Variants in GPR158 observed in about 807,000 individuals in gnomAD.
GPR158 encodes metabotropic glycine receptor.
Under a neutral mutation model 78.2 loss-of-function variants are expected in GPR158, and 30 were observed. The observed-to-expected ratio is 0.38, with a 90% CI of 0.29 to 0.52. GPR158 has a LOEUF of 0.52. Among genes scored for constraint, GPR158 ranks in the 20% least tolerant of loss-of-function variants. The pLI is 0.83. For synonymous variants in GPR158, 581 were observed against 591.1 expected (o/e 0.98, Z 0.25); for missense variants, 1,463 against 1,523.5 (o/e 0.96, Z 0.66).
chr10:25,564,567 G>GTCTT (rs1437522465), intron 6 of GPR158, among the ~76,000 whole-genome samples: 3 of 152,142 alleles, frequency 2.0e-5, no homozygotes, highest in Non-Finnish European at 4.4e-5. Flanking sequence ...CTTTGAGTCA[G>GTCTT]TCTTTCAGGG....
intron 1 of GPR158, among the ~76,000 whole-genome samples, chr10:25,187,868 G>T (rs569703906): frequency 3.3e-5 from 5 of 152,278 alleles, no homozygotes; most frequent in Non-Finnish European, 5.9e-5. Context: ...TGACATGATT[G>T]TATATCCAGA....
intron 6 of GPR158, among the ~76,000 whole-genome samples, chr10:25,563,344 C>T (rs1390641074): frequency 6.6e-6 from 1 of 151,350 alleles, no homozygotes; most frequent in African/African-American, 2.4e-5. Flanking sequence ...TTCATTAGAT[C>T]TACGGTAACT....
At chr10:25,524,569 G>A (rs1187562847) in intron 5 of GPR158, among the ~76,000 whole-genome samples, 1 of 152,148 alleles carries the variant, frequency 6.6e-6, no homozygotes, top group Non-Finnish European at 1.5e-5. Flanking sequence ...GATGCTAGAA[G>A]AACTGGATAT....
chr10:25,253,303 C>T (rs536121049), intron 2 of GPR158, among the ~76,000 whole-genome samples: 30 of 151,888 alleles, frequency 2.0e-4, no homozygotes, highest in East Asian at 1.6e-3. Flanking sequence ...AGCTGTAGAC[C>T]GGAGCAGTTC....
intron 2 of GPR158, among the ~76,000 whole-genome samples, chr10:25,340,830 C>G (rs1262110780): frequency 6.6e-6 from 1 of 151,960 alleles, no homozygotes; most frequent in Non-Finnish European, 1.5e-5. Context: ...GCTGAGAATA[C>G]TGGTGAGAGA....
At chr10:25,525,021 T>C (rs139826696) in intron 5 of GPR158, among the ~76,000 whole-genome samples, 6 of 152,256 alleles carry the variant, frequency 3.9e-5, no homozygotes, top group African/African-American at 1.4e-4. Flanking sequence ...GAAAAGATGA[T>C]CAGCATCATT....
intron 2 of GPR158, among the ~76,000 whole-genome samples, chr10:25,250,691 T>C (rs1010637749): frequency 7.5e-5 from 11 of 147,540 alleles, no homozygotes; most frequent in African/African-American, 2.6e-4. Flanking sequence ...TTTGTTATAA[T>C]TTCTGTTCTT....
chr10:25,312,063 T>C (rs1854772296), intron 2 of GPR158, among the ~76,000 whole-genome samples: 1 of 152,176 alleles, frequency 6.6e-6, no homozygotes, highest in African/African-American at 2.4e-5. Flanking sequence ...AAATTTGTAG[T>C]TGGAAAATGA....
At chr10:25,200,659 G>C (rs1167335032) in intron 1 of GPR158, among the ~76,000 whole-genome samples, 1 of 152,080 alleles carries the variant, frequency 6.6e-6, no homozygotes, top group African/African-American at 2.4e-5. Context: ...TACTGATCTT[G>C]AATTGATTTT....
intron 2 of GPR158, among the ~76,000 whole-genome samples, chr10:25,388,761 G>A (rs752544671): frequency 2.0e-5 from 3 of 152,232 alleles, no homozygotes; most frequent in Admixed American, 6.5e-5. Flanking sequence ...AGTTGTGGCT[G>A]CAGACCCAGG....
At chr10:25,241,404 CTCTTCTCTTT>C (rs1347991875) in intron 2 of GPR158, among the ~76,000 whole-genome samples, 25 of 135,794 alleles carry the variant, frequency 1.8e-4, no homozygotes, top group Admixed American at 3.7e-4. Context: ...CTCTTCTCTT[CTCTTCTCTTT>C]TCTTTTCTTT....
chr10:25,377,981 A>G (rs1307447398), intron 2 of GPR158, among the ~76,000 whole-genome samples: 1 of 152,080 alleles, frequency 6.6e-6, no homozygotes, highest in East Asian at 1.9e-4. Context: ...ACCATTTTCA[A>G]TCCCACCACA....
intron 5 of GPR158, among the ~76,000 whole-genome samples, chr10:25,533,209 C>T (rs1389754662): frequency 6.6e-6 from 1 of 152,234 alleles, no homozygotes; most frequent in Non-Finnish European, 1.5e-5. Flanking sequence ...ATTTTCCATC[C>T]CCAGCCTTAA....
rs116296599 is a variant in GPR158 at position 25,583,186 on chromosome 10, A to G, written c.1754-5821A>G. ...ACACATACCCAGCCTCCATTGTCCT[A>G]GTTGTGAAATGCACTGTAACTTGCA... On this transcript the variant is annotated intron_variant, in intron 7 of 10. Transcript: ENST00000376351. Among the ~76,000 whole-genome samples the G allele has an allele frequency of 2.6e-3, 395 of 152,192 alleles. 1 individual carries two copies. The highest frequency in any genetic ancestry group is 9.0e-3 in the African/African-American group (375 of 41,552).
intron 5 of GPR158, among the ~76,000 whole-genome samples, chr10:25,470,734 G>A (rs1329233668): frequency 6.6e-6 from 1 of 152,018 alleles, no homozygotes; most frequent in Non-Finnish European, 1.5e-5. Flanking sequence ...CTTTCCCACA[G>A]AACCCTAGGG....
intron 2 of GPR158, among the ~76,000 whole-genome samples, chr10:25,389,304 G>A (rs1834262058): frequency 6.6e-6 from 1 of 152,168 alleles, no homozygotes; most frequent in Admixed American, 6.5e-5. Context: ...ACTGCAGAGA[G>A]GAGCTGCCCA....
chr10:25,229,008 C>T (rs1158199144), intron 2 of GPR158, among the ~76,000 whole-genome samples: 1 of 147,314 alleles, frequency 6.8e-6, no homozygotes, highest in Non-Finnish European at 1.5e-5. Flanking sequence ...GCACTCCAGC[C>T]TGGGTGACAG....
At chr10:25,573,782 CT>C (rs1160552712) in intron 7 of GPR158, among the ~76,000 whole-genome samples, 7 of 152,000 alleles carry the variant, frequency 4.6e-5, no homozygotes, top group Non-Finnish European at 1.0e-4. Flanking sequence ...TTGCTGGAAG[CT>C]AATAAAATGT....
intron 2 of GPR158, among the ~76,000 whole-genome samples, chr10:25,258,394 T>A (rs1853918916): frequency 6.6e-6 from 1 of 152,232 alleles, no homozygotes; most frequent in Admixed American, 6.5e-5. Flanking sequence ...TACCTTGTTT[T>A]AATTATTTTT....
Sources: allele counts gnomAD v4.1 joint callset (sites outside exome capture counted in the v4.1 genomes callset), GRCh38; gene constraint gnomAD v4.1.1; transcripts MANE v1.5; gene names NCBI Gene and HGNC (gene_info 2026-07-23, HGNC 2026-07-21).